Variants in BRAF observed in about 807,000 individuals in gnomAD.
The protein encoded by BRAF is serine/threonine-protein kinase B-raf.
BRAF carries 16 observed loss-of-function variants against 104.6 expected under a neutral mutation model. The ratio of observed to expected loss-of-function variants is 0.15; its 90% confidence interval spans 0.10 to 0.23. The LOEUF (loss-of-function observed/expected upper bound fraction) is 0.23. Among genes scored for constraint, BRAF ranks in the 10% least tolerant of loss-of-function variants. BRAF has a pLI of 1.00. For synonymous variants in BRAF, 310 were observed against 341.6 expected (o/e 0.91, Z 1.02); for missense variants, 541 against 937.3 (o/e 0.58, Z 5.52).
In BRAF at chr7:140,855,472, T is replaced by A. The variant is rs553394477; in HGVS notation, c.139-5260A>T. ...CCAAAAAAAAGACTGAGAATTTTTTTTAAAAAATCCTAGAAGATGCCCATG... is the reference window on the plus strand; with the variant it reads ...CCAAAAAAAAGACTGAGAATTTTTTATAAAAAATCCTAGAAGATGCCCATG... On this transcript the variant is annotated intron_variant, in intron 1 of 19. Coordinates refer to ENST00000644969, the MANE Select transcript of BRAF (RefSeq NM_001374258.1). Among the ~76,000 whole-genome samples, 119 of 152,022 alleles carry A rather than the reference T, an allele frequency of 7.8e-4. 1 individual carries two copies. The highest frequency in any genetic ancestry group is 2.4e-3 in the African/African-American group (98 of 41,514).
intron 2 of BRAF, among the ~76,000 whole-genome samples, chr7:140,844,654 AG>A (rs1457846361): frequency 1.3e-5 from 2 of 152,226 alleles, no homozygotes; most frequent in Admixed American, 6.5e-5. Flanking sequence ...GGCTGAGCAC[AG>A]TGGCTTGCAC....
At chr7:140,762,181 C>A (rs1315094060) in intron 14 of BRAF, among the ~76,000 whole-genome samples, 3 of 152,172 alleles carry the variant, frequency 2.0e-5, no homozygotes, top group African/African-American at 7.2e-5. Context: ...GAAATTATAA[C>A]AAACTGTGTC....
intron 14 of BRAF, among the ~76,000 whole-genome samples, chr7:140,768,154 A>T (rs1358673816): frequency 1.3e-5 from 2 of 152,236 alleles, no homozygotes; most frequent in East Asian, 3.8e-4. Flanking sequence ...ACATCAAAAT[A>T]TTAATGACAG....
At chr7:140,881,722 G>T (rs949093292) in intron 1 of BRAF, among the ~76,000 whole-genome samples, 1 of 152,126 alleles carries the variant, frequency 6.6e-6, no homozygotes, top group African/African-American at 2.4e-5. Flanking sequence ...GTGACTCTTG[G>T]TTTCACTTGA....
chr7:140,802,684 T>G (rs553429057), intron 5 of BRAF, among the ~76,000 whole-genome samples: 167 of 152,164 alleles, frequency 1.1e-3, no homozygotes, highest in African/African-American at 3.8e-3. Context: ...AATAAGCACA[T>G]AAAATATTTT....
chr7:140,866,561 AT>A lies in BRAF; in HGVS notation c.139-16350del, dbSNP rs1359756180. 8.5e-5 allele frequency among the ~76,000 whole-genome samples: 13 copies of A among 152,312 alleles called. No homozygotes were observed. In the South Asian group the frequency reaches 2.5e-3, roughly 29 times the overall value. On this transcript the variant is annotated intron_variant, in intron 1 of 19. Coordinates refer to ENST00000644969, the MANE Select transcript of BRAF (RefSeq NM_001374258.1). ...GGCTATATAAAATATTAAAAATTCT[AT>A]ATTCTGGGTAAGCTTAGAGGAGACT...
At position 140,722,711 on chromosome 7, in the gene BRAF, G is replaced by C. The variant is rs543136743; in HGVS notation, c.*3783C>G. ...TCTTTCTATGAATGCCTGTGCATGTGACAAAGCTGCAGCAAACTCATTATG... is the reference window on the plus strand; with the variant it reads ...TCTTTCTATGAATGCCTGTGCATGTCACAAAGCTGCAGCAAACTCATTATG... On this transcript the variant is annotated 3_prime_UTR_variant, in exon 20 of 20. Transcript: ENST00000644969. 50 of 1,050,944 alleles carry C rather than the reference G, an allele frequency of 4.8e-5. No homozygotes were observed. The African/African-American group carries it at 8.1e-4, about 17-fold the overall frequency. The allele number at this position is 1,050,944 out of a possible 1,614,324, so 65.1% of individuals were successfully genotyped here. A position where few individuals can be genotyped will look rare whatever the true frequency, so the allele number is the denominator to read the frequency against.
intron 1 of BRAF, among the ~76,000 whole-genome samples, chr7:140,864,853 G>A (rs943610436): frequency 1.3e-5 from 2 of 152,188 alleles, no homozygotes; most frequent in African/African-American, 4.8e-5. Flanking sequence ...AGACAGAGAT[G>A]CAGGAAAGAT....
At position 140,754,163 on chromosome 7, in the gene BRAF, G is replaced by A. The variant is rs768059168; in HGVS notation, c.1861+24C>T. On this transcript the variant is annotated intron_variant, in intron 15 of 19. Transcript: ENST00000644969. ...AAAAGTCAGGATGTTTTCAAACTTC[G>A]CAGACAAATTTCAGGAAGGATACTA... 1.2e-5 allele frequency: 20 copies of A among 1,608,490 alleles called. No individual in the cohort carries two copies. In the Admixed American group the frequency reaches 2.0e-4, roughly 16 times the overall value.
chr7:140,817,997 A>T (rs936357134), intron 3 of BRAF, among the ~76,000 whole-genome samples: 1 of 152,174 alleles, frequency 6.6e-6, no homozygotes. Context: ...GATGCTGACC[A>T]TTACATACAT....
chr7:140,902,651 G>C (rs930165451), intron 1 of BRAF, among the ~76,000 whole-genome samples: 3 of 152,306 alleles, frequency 2.0e-5, no homozygotes, highest in African/African-American at 7.2e-5. Context: ...AAGCAAAACA[G>C]GCCGGGCACT....
At chr7:140,888,753 T>G (rs543799500) in intron 1 of BRAF, among the ~76,000 whole-genome samples, 1 of 151,870 alleles carries the variant, frequency 6.6e-6, no homozygotes, top group Non-Finnish European at 1.5e-5. Flanking sequence ...GAGAATCGCT[T>G]GAATCTGGGA....
chr7:140,740,050 G>T, intron 17 of BRAF, 104 bp from the exon 17 acceptor site: 2 of 1,246,944 alleles, frequency 1.6e-6, no homozygotes, highest in Non-Finnish European at 2.3e-6. Context: ...TACAGCTTAC[G>T]ATGTATGTAT....
At chr7:140,786,151 A>C (rs1464404093) in intron 9 of BRAF, among the ~76,000 whole-genome samples, 1 of 152,246 alleles carries the variant, frequency 6.6e-6, no homozygotes, top group Non-Finnish European at 1.5e-5. Context: ...ACTGGCAGCA[A>C]CATTAATTGG....
chr7:140,820,772 T>C (rs1805391968), intron 3 of BRAF, among the ~76,000 whole-genome samples: 1 of 151,932 alleles, frequency 6.6e-6, no homozygotes, highest in East Asian at 1.9e-4. Flanking sequence ...AGGCCCTACC[T>C]CTACAAAAAA....
intron 1 of BRAF, among the ~76,000 whole-genome samples, chr7:140,891,941 G>T (rs551700046): frequency 6.6e-6 from 1 of 152,210 alleles, no homozygotes; most frequent in East Asian, 1.9e-4. Context: ...CATAGTCAAG[G>T]AAGTTTATAC....
chr7:140,871,006 C>T lies in BRAF; in HGVS notation c.139-20794G>A, dbSNP rs546964661. ...ACTTTGGGAGGCTGAGGCGGGCAGA[C>T]CACAAGGTCAGGAGATCGAGACCAT... On this transcript the variant is annotated intron_variant, in intron 1 of 19. Transcript: ENST00000644969. Among the ~76,000 whole-genome samples the T allele has an allele frequency of 1.1e-4, 16 of 151,732 alleles. No homozygotes were observed. The South Asian group carries it at 1.5e-3, about 14-fold the overall frequency.
chr7:140,733,998 A>T, intron 19 of BRAF: 1 of 1,032,018 alleles, frequency 9.7e-7, no homozygotes, highest in Non-Finnish European at 1.2e-6. Context: ...ATTTTTGGTC[A>T]CCTGCACTCA....
At position 140,879,773 on chromosome 7, in the gene BRAF, C is replaced by T. The variant is rs530905176; in HGVS notation, c.139-29561G>A. Among the ~76,000 whole-genome samples the T allele has an allele frequency of 7.3e-5, 11 of 151,002 alleles. No homozygotes were observed. The South Asian group carries it at 2.3e-3, about 32-fold the overall frequency. On this transcript the variant is annotated intron_variant, in intron 1 of 19. Coordinates refer to ENST00000644969, the MANE Select transcript of BRAF (RefSeq NM_001374258.1). Reference sequence around the variant, plus strand: ...TAAGATGGAGTCTTGCTCTGTCGCCCAGGGTGGGAGTACAGTGGCGTGATT... The same window carrying T: ...TAAGATGGAGTCTTGCTCTGTCGCCTAGGGTGGGAGTACAGTGGCGTGATT...
Sources: allele counts gnomAD v4.1 joint callset (sites outside exome capture counted in the v4.1 genomes callset), GRCh38; gene constraint gnomAD v4.1.1; transcripts MANE v1.5; gene names NCBI Gene and HGNC (gene_info 2026-07-23, HGNC 2026-07-21).